RERE: variants seen among roughly 807,000 people sequenced by gnomAD.
RERE encodes the protein arginine-glutamic acid dipeptide repeats protein.
Under a neutral mutation model 146.1 loss-of-function variants are expected in RERE, and 40 were observed. That is an observed-to-expected ratio of 0.27 (90% CI 0.21 to 0.36). The LOEUF (loss-of-function observed/expected upper bound fraction) is 0.36, where lower values mean the gene tolerates loss of function less well. RERE is among the 10% of genes least tolerant of loss of function. The pLI is 1.00. For missense variants in RERE, 1,933 were observed against 2,138.7 expected, an observed-to-expected ratio of 0.90 and a Z score of 1.90; for synonymous variants, 1,003 against 866.0, an observed-to-expected ratio of 1.16 and a Z score of -2.78.
intron 2 of RERE, among the ~76,000 whole-genome samples, chr1:8,651,041 G>A (rs183681146): frequency 2.4e-4 from 37 of 152,080 alleles, no homozygotes; most frequent in Non-Finnish European, 4.6e-4. Flanking sequence ...AGGTTGCAGT[G>A]AGTTGAGATC....
At chr1:8,408,125 C>G (rs1643503954) in intron 12 of RERE, among the ~76,000 whole-genome samples, 1 of 152,096 alleles carries the variant, frequency 6.6e-6, no homozygotes, top group African/African-American at 2.4e-5. Flanking sequence ...GCCACAAAAG[C>G]CTGGCCAAAG....
intron 12 of RERE, among the ~76,000 whole-genome samples, chr1:8,374,306 C>T (rs890515973): frequency 6.6e-6 from 1 of 152,168 alleles, no homozygotes; most frequent in Non-Finnish European, 1.5e-5. Flanking sequence ...GTCTAAGACA[C>T]TCATGAAGAT....
At chr1:8,460,749 C>G (rs1297048585) in intron 11 of RERE, among the ~76,000 whole-genome samples, 1 of 152,188 alleles carries the variant, frequency 6.6e-6, no homozygotes, top group Non-Finnish European at 1.5e-5. Flanking sequence ...TTGTGCAACA[C>G]CTGGATTGTT....
chr1:8,660,214 AT>A (rs566544513), intron 1 of RERE, among the ~76,000 whole-genome samples: 6 of 152,182 alleles, frequency 3.9e-5, no homozygotes, highest in East Asian at 3.9e-4. Flanking sequence ...ATGGGAATAT[AT>A]TTTTTTCCTC....
chr1:8,760,368 T>A (rs1225422498), intron 1 of RERE, among the ~76,000 whole-genome samples: 1 of 152,220 alleles, frequency 6.6e-6, no homozygotes, highest in African/African-American at 2.4e-5. Context: ...ATACATCATT[T>A]ATATCAATCA....
intron 10 of RERE, among the ~76,000 whole-genome samples, chr1:8,485,660 C>G (rs1007314045): frequency 6.6e-5 from 10 of 152,034 alleles, no homozygotes; most frequent in African/African-American, 2.4e-4. Context: ...AAAAAGGTTA[C>G]AGCAGAAAGG....
At chr1:8,741,851 G>C (rs548384054) in intron 1 of RERE, among the ~76,000 whole-genome samples, 7 of 152,230 alleles carry the variant, frequency 4.6e-5, no homozygotes, top group African/African-American at 7.2e-5. Flanking sequence ...CTGATATGTT[G>C]ATCAGTGTAC....
At chr1:8,455,068 C>T (rs1009004808) in intron 11 of RERE, among the ~76,000 whole-genome samples, 1 of 152,054 alleles carries the variant, frequency 6.6e-6, no homozygotes, top group Non-Finnish European at 1.5e-5. Context: ...CAGGAGGTAA[C>T]TGTGCCTTCC....
At chr1:8,523,554 T>C (rs545817402) in intron 7 of RERE, among the ~76,000 whole-genome samples, 1 of 152,292 alleles carries the variant, frequency 6.6e-6, no homozygotes, top group African/African-American at 2.4e-5. Flanking sequence ...CCATGTGCTG[T>C]TCCCTCACCT....
intron 1 of RERE, among the ~76,000 whole-genome samples, chr1:8,680,163 T>A (rs1395950327): frequency 6.6e-6 from 1 of 151,986 alleles, no homozygotes; most frequent in Non-Finnish European, 1.5e-5. Context: ...TGGTGGAAAA[T>A]GGAGAAAGCC....
chr1:8,769,464 A>G (rs1038844398), intron 1 of RERE, among the ~76,000 whole-genome samples: 9 of 152,126 alleles, frequency 5.9e-5, no homozygotes, highest in African/African-American at 2.2e-4. Context: ...AAACCACTAT[A>G]AAGGATGTAA....
chr1:8,501,935 T>TG (rs1332094336), intron 8 of RERE, among the ~76,000 whole-genome samples: 2 of 13,680 alleles, frequency 1.5e-4, no homozygotes, highest in East Asian at 2.0e-3. Context: ...GGGAGGGAGG[T>TG]GGGGGGGATC....
intron 10 of RERE, among the ~76,000 whole-genome samples, chr1:8,485,893 G>A (rs185905215): frequency 3.3e-4 from 49 of 148,824 alleles, no homozygotes; most frequent in African/African-American, 1.2e-3. Context: ...CCGCCTCCCA[G>A]ATTCAAGCAA....
intron 6 of RERE, among the ~76,000 whole-genome samples, chr1:8,541,533 T>C (rs753799434): frequency 9.2e-5 from 14 of 152,086 alleles, no homozygotes; most frequent in Non-Finnish European, 1.8e-4. Flanking sequence ...ATTTTACTAA[T>C]AAAGTAAAAT....
At chr1:8,462,065 G>C (rs912085995) in intron 11 of RERE, among the ~76,000 whole-genome samples, 1 of 152,046 alleles carries the variant, frequency 6.6e-6, no homozygotes, top group Non-Finnish European at 1.5e-5. Flanking sequence ...TGTTGACCAG[G>C]CTCCAAAAGT....
At chr1:8,654,146 T>C (rs952810798) in intron 2 of RERE, among the ~76,000 whole-genome samples, 1 of 151,890 alleles carries the variant, frequency 6.6e-6, no homozygotes, top group Admixed American at 6.6e-5. Flanking sequence ...CTCAAGGGAT[T>C]CTTCTACCTC....
intron 7 of RERE, chr1:8,519,803 A>C (rs1309391004): frequency 1.3e-5 from 2 of 152,132 alleles, no homozygotes; most frequent in Admixed American, 6.5e-5. Context: ...CTGGAAGTAC[A>C]TGCGGGTAAG....
intron 2 of RERE, among the ~76,000 whole-genome samples, chr1:8,625,982 C>G (rs1426858958): frequency 4.6e-5 from 7 of 152,192 alleles, no homozygotes; most frequent in Non-Finnish European, 7.3e-5. Context: ...ATCCCTGAAT[C>G]CACGTAAAAC....
intron 4 of RERE, among the ~76,000 whole-genome samples, chr1:8,601,017 CTTTTTTTT>C (rs34455445): frequency 1.1e-5 from 1 of 95,072 alleles, no homozygotes; most frequent in East Asian, 3.3e-4. Flanking sequence ...GTCTCCCAAA[CTTTTTTTT>C]TTTTTTTTTT....
Sources: allele counts gnomAD v4.1 joint callset (sites outside exome capture counted in the v4.1 genomes callset), GRCh38; gene constraint gnomAD v4.1.1; transcripts MANE v1.5; gene names NCBI Gene and HGNC (gene_info 2026-07-23, HGNC 2026-07-21).